The following SPIN1 variants were observed in gnomAD, a reference collection of about 807,000 sequenced individuals.
SPIN1 encodes spindlin-1.
A neutral mutation model predicts 26.0 loss-of-function variants in SPIN1; 3 were observed. The observed-to-expected ratio is 0.12, with a 90% CI of 0.05 to 0.30. The LOEUF is 0.30. Among genes scored for constraint, SPIN1 ranks in the 10% least tolerant of loss-of-function variants. The pLI is 1.00. For synonymous variants in SPIN1, 101 were observed against 116.5 expected, an observed-to-expected ratio of 0.87 and a Z score of 0.86; for missense variants, 126 against 333.4, an observed-to-expected ratio of 0.38 and a Z score of 4.84.
At chr9:88,390,465 A>G (rs1826895645) in intron 1 of SPIN1, among the ~76,000 whole-genome samples, 1 of 152,218 alleles carries the variant, frequency 6.6e-6, no homozygotes, top group Non-Finnish European at 1.5e-5. Flanking sequence ...ACCTGATTGC[A>G]CATAGTTACA....
intron 2 of SPIN1, among the ~76,000 whole-genome samples, chr9:88,430,665 A>G (rs373860062): frequency 2.6e-3 from 402 of 152,342 alleles, no homozygotes; most frequent in Middle Eastern, 0.014. Flanking sequence ...TCTCATTCAC[A>G]TATCAGGAAT....
At position 88,475,607 on chromosome 9, in the gene SPIN1, C is replaced by T; in HGVS notation, c.*330C>T. On this transcript the variant is annotated 3_prime_UTR_variant, in exon 6 of 6. Coordinates refer to ENST00000375859, the MANE Select transcript of SPIN1 (RefSeq NM_006717.3). ...CCCTCACCCTAACTCTCTTATTCTG[C>T]CGCCACAATGCAAGCATAGTTTGAT... is the stretch of plus-strand genomic sequence containing the variant. 4.7e-6 allele frequency: 1 copy of T among 214,906 alleles called. No homozygotes were observed. The highest frequency in any genetic ancestry group is 5.2e-5 in the Admixed American group (1 of 19,280). The allele number at this position is 214,906 out of a possible 1,614,324, so 13.3% of individuals were successfully genotyped here.
intron 1 of SPIN1, among the ~76,000 whole-genome samples, chr9:88,399,251 C>T (rs1827136946): frequency 6.6e-6 from 1 of 152,028 alleles, no homozygotes; most frequent in Non-Finnish European, 1.5e-5. Context: ...CCAGGCTGGT[C>T]TTGAACTCCT....
intron 3 of SPIN1, among the ~76,000 whole-genome samples, chr9:88,453,723 T>G (rs1305179674): frequency 1.3e-5 from 2 of 152,050 alleles, no homozygotes; most frequent in African/African-American, 4.8e-5. Flanking sequence ...ACGGGGTTTC[T>G]CCATGTTGGT....
At position 88,441,398 on chromosome 9, in the gene SPIN1, C is replaced by CGTGTGTGTGTGTGTGTGTGT. The variant is rs60571153; in HGVS notation, c.53-7526_53-7525insTGTGTGTGTGTGTGTGTGTG. ...TGGTTGTATCATCATTGCTGCCATT[C>CGTGTGTGTGTGTGTGTGTGT]GTGTGTGTGTGTGTGTGCGCGCGCG... On this transcript the variant is annotated intron_variant, in intron 2 of 5. Coordinates refer to ENST00000375859, the MANE Select transcript of SPIN1 (RefSeq NM_006717.3). Among the ~76,000 whole-genome samples, 36 of 137,802 alleles carry CGTGTGTGTGTGTGTGTGTGT rather than the reference C, an allele frequency of 2.6e-4. 1 individual carries two copies. The highest frequency in any genetic ancestry group is 1.1e-3 in the African/African-American group (33 of 31,030). The allele number at this position is 137,802 out of a possible 152,430, so 90.4% of individuals were successfully genotyped here.
At chr9:88,464,027 T>C (rs1828616092) in intron 4 of SPIN1, among the ~76,000 whole-genome samples, 1 of 152,202 alleles carries the variant, frequency 6.6e-6, no homozygotes, top group African/African-American at 2.4e-5. Context: ...GTTGGTCCTT[T>C]TGTCATCGAA....
intron 3 of SPIN1, chr9:88,458,009 G>C (rs1828504208): frequency 4.1e-6 from 4 of 983,252 alleles, no homozygotes; most frequent in Non-Finnish European, 4.8e-6. Flanking sequence ...TTCTTGTTTG[G>C]TTTTAGTGTT....
intron 2 of SPIN1, among the ~76,000 whole-genome samples, chr9:88,444,695 T>TC (rs1453439943): frequency 1.4e-4 from 21 of 147,036 alleles, no homozygotes; most frequent in South Asian, 6.5e-4. Flanking sequence ...TCTTTTCTTT[T>TC]TTTTTTTTTT....
intron 5 of SPIN1, among the ~76,000 whole-genome samples, chr9:88,473,212 G>A: frequency 6.6e-6 from 1 of 151,656 alleles, no homozygotes; most frequent in Non-Finnish European, 1.5e-5. Context: ...GGTCAATATG[G>A]TGAAACCCCG....
chr9:88,410,935 T>C, intron 1 of SPIN1: 1 of 1,146,550 alleles, frequency 8.7e-7, no homozygotes, highest in Non-Finnish European at 1.3e-6. Context: ...CTTTCCTAAC[T>C]TCACAATTGT....
At chr9:88,391,559 T>C (rs1401433569) in intron 1 of SPIN1, 1 of 152,284 alleles carries the variant, frequency 6.6e-6, no homozygotes, top group Non-Finnish European at 1.5e-5. Flanking sequence ...CCATACTTCC[T>C]TTCTGCATAG....
At chr9:88,472,466 T>C (rs1484377353) in intron 5 of SPIN1, among the ~76,000 whole-genome samples, 1 of 151,976 alleles carries the variant, frequency 6.6e-6, no homozygotes, top group Non-Finnish European at 1.5e-5. Context: ...TCTCCTGACC[T>C]CAGGTGAGCC....
At chr9:88,397,198 C>CT (rs967723186) in intron 1 of SPIN1, among the ~76,000 whole-genome samples, 8 of 152,122 alleles carry the variant, frequency 5.3e-5, no homozygotes, top group Non-Finnish European at 8.8e-5. Flanking sequence ...AGCTTTTTAA[C>CT]TTTTTTTTAA....
intron 2 of SPIN1, among the ~76,000 whole-genome samples, chr9:88,438,536 G>C (rs1218326196): frequency 1.3e-5 from 2 of 152,178 alleles, no homozygotes; most frequent in African/African-American, 4.8e-5. Flanking sequence ...GTTGGGCAAA[G>C]TAGTCTTTAG....
At chr9:88,460,466 T>C (rs868002218) in intron 3 of SPIN1, among the ~76,000 whole-genome samples, 4 of 152,206 alleles carry the variant, frequency 2.6e-5, no homozygotes, top group Middle Eastern at 3.2e-3. Flanking sequence ...GGAAATAGAA[T>C]CGTTGGGAAA....
intron 1 of SPIN1, among the ~76,000 whole-genome samples, chr9:88,413,446 C>T (rs957568723): frequency 7.9e-5 from 12 of 151,612 alleles, no homozygotes; most frequent in Admixed American, 2.0e-4. Flanking sequence ...TGCAGTGGTG[C>T]GATTTTGGCT....
chr9:88,393,566 C>T (rs764713185), intron 1 of SPIN1, among the ~76,000 whole-genome samples: 1 of 147,184 alleles, frequency 6.8e-6, no homozygotes, highest in Admixed American at 6.9e-5. Flanking sequence ...AGCGATTCTC[C>T]TGCCTCAGCC....
chr9:88,414,030 C>CAAA (rs10635542), intron 1 of SPIN1, among the ~76,000 whole-genome samples: 7,005 of 141,758 alleles, frequency 0.049, 521 homozygotes, highest in African/African-American at 0.16. Context: ...TTTATTATAG[C>CAAA]AAAAAAAAAA....
intron 1 of SPIN1, among the ~76,000 whole-genome samples, chr9:88,403,948 T>C (rs1379438085): frequency 2.0e-5 from 3 of 152,182 alleles, no homozygotes; most frequent in African/African-American, 7.2e-5. Flanking sequence ...GTGAGCATTA[T>C]AGAGCATACT....
Sources: allele counts gnomAD v4.1 joint callset (sites outside exome capture counted in the v4.1 genomes callset), GRCh38; gene constraint gnomAD v4.1.1; transcripts MANE v1.5; gene names NCBI Gene and HGNC (gene_info 2026-07-23, HGNC 2026-07-21).